Variants in TTC6 observed in about 807,000 individuals in gnomAD.
TTC6 encodes tetratricopeptide repeat protein 6.
A neutral mutation model predicts 210.4 loss-of-function variants in TTC6; 172 were observed. The ratio of observed to expected loss-of-function variants is 0.82; its 90% CI spans 0.72 to 0.93. The LOEUF (loss-of-function observed/expected upper bound fraction) is 0.93. Ranked by LOEUF, TTC6 falls within the 40% of genes least tolerant of loss-of-function variation. TTC6 has a pLI of 0.00. For missense variants in TTC6, 2,414 were observed against 2,318.1 expected (o/e 1.04, Z -0.85); for synonymous variants, 804 against 819.6 (o/e 0.98, Z 0.32).
intron 14 of TTC6, among the ~76,000 whole-genome samples, chr14:37,779,072 A>C (rs1211330806): frequency 6.6e-6 from 1 of 152,170 alleles, no homozygotes; most frequent in Non-Finnish European, 1.5e-5. Flanking sequence ...CATGGGGGTC[A>C]TGAGGTCTCC....
chr14:37,651,416 TA>T (rs1566864427), intron 1 of TTC6, among the ~76,000 whole-genome samples: 6 of 26,146 alleles, frequency 2.3e-4, no homozygotes, highest in Non-Finnish European at 3.4e-4. Context: ...TATATATATA[TA>T]TATATATATT....
chr14:37,631,082 T>C (rs1328690263), intron 1 of TTC6, among the ~76,000 whole-genome samples: 3 of 151,972 alleles, frequency 2.0e-5, no homozygotes, highest in African/African-American at 7.3e-5. Context: ...AGTCTGTGTC[T>C]TTTAATTGGG....
At chr14:37,841,709 T>A in intron 30 of TTC6, 39 bp downstream of exon 32, 1 of 1,466,452 alleles carries the variant, frequency 6.8e-7, no homozygotes. Flanking sequence ...ATTACAGTGG[T>A]TGAAGTGATT....
intron 14 of TTC6, among the ~76,000 whole-genome samples, chr14:37,755,930 A>T (rs2095966269): frequency 1.3e-5 from 2 of 152,210 alleles, no homozygotes; most frequent in Admixed American, 6.5e-5. Flanking sequence ...TTGAATCTAC[A>T]AATTACTTTG....
rs536300037 is a variant in TTC6 at position 37,735,733 on chromosome 14, G to A, written c.1819-188G>A. ...ACACTGAAGCCAAATTGCAGGTTTT[G>A]GCCAAATACTAAGGCTATAGCTGGA... is the stretch of plus-strand genomic sequence containing the variant. On this transcript the variant is annotated intron_variant, in intron 7 of 30. Transcript: ENST00000553443. Among the ~76,000 whole-genome samples, 4 of 152,200 alleles carry A rather than the reference G, an allele frequency of 2.6e-5. No individual in the cohort carries two copies. In the East Asian group the frequency reaches 5.8e-4, roughly 22 times the overall value.
At chr14:37,830,604 G>C (rs540598411) in intron 29 of TTC6, among the ~76,000 whole-genome samples, 10 of 151,724 alleles carry the variant, frequency 6.6e-5, no homozygotes, top group African/African-American at 2.2e-4. Flanking sequence ...GACCTCATAA[G>C]TTAGATTTCC....
At chr14:37,616,452 T>C (rs2095642792) in intron 2 of TTC6, among the ~76,000 whole-genome samples, 1 of 152,220 alleles carries the variant, frequency 6.6e-6, no homozygotes, top group African/African-American at 2.4e-5. Flanking sequence ...CTTCCTGCTT[T>C]TGTTTACTCT....
Position 37,760,622 on chromosome 14 carries a change from C to T in TTC6, c.3266+7387C>T, listed in dbSNP as rs767380702. ...CCACTGAAGCTGCACCCACAGCTGCCCCTTTCCTCAGGTGCTCTGTCCCAG... is the reference window on the plus strand; with the variant it reads ...CCACTGAAGCTGCACCCACAGCTGCTCCTTTCCTCAGGTGCTCTGTCCCAG... On this transcript the variant is annotated intron_variant, in intron 14 of 30. Transcript: ENST00000553443. Among the ~76,000 whole-genome samples, 4 of 152,268 alleles carry T rather than the reference C, an allele frequency of 2.6e-5. No homozygotes were observed. In the South Asian group the frequency reaches 8.3e-4, roughly 32 times the overall value.
At chr14:37,736,601 CTG>C (rs1290553579) in intron 8 of TTC6, among the ~76,000 whole-genome samples, 1 of 152,078 alleles carries the variant, frequency 6.6e-6, no homozygotes, top group Non-Finnish European at 1.5e-5. Context: ...AATGGAGAAA[CTG>C]TGGCCATGAA....
At chr14:37,727,113 A>G (rs1286339322) in intron 7 of TTC6, among the ~76,000 whole-genome samples, 1 of 151,696 alleles carries the variant, frequency 6.6e-6, no homozygotes, top group Non-Finnish European at 1.5e-5. Flanking sequence ...TTCCCTGGCT[A>G]TTAGATATCG....
chr14:37,726,323 G>A (rs1357407724), intron 7 of TTC6, among the ~76,000 whole-genome samples: 4 of 152,146 alleles, frequency 2.6e-5, no homozygotes, highest in Non-Finnish European at 2.9e-5. Flanking sequence ...CATGTATGCT[G>A]TTGCTTGAAA....
exon 27 of TTC6, chr14:37,823,758 T>C: frequency 6.2e-7 from 1 of 1,613,726 alleles, no homozygotes; most frequent in East Asian, 2.2e-5. Context: ...ATTAATGAGT[T>C]TGAAGAAGCT....
chr14:37,622,508 C>A, exon 1 of TTC6: 1 of 1,535,246 alleles, frequency 6.5e-7, no homozygotes, highest in Non-Finnish European at 8.7e-7. Context: ...CGGCCAGACC[C>A]GTGGTCCTGC....
chr14:37,745,056 G>A (rs1030202711), intron 10 of TTC6, among the ~76,000 whole-genome samples: 1 of 151,854 alleles, frequency 6.6e-6, no homozygotes, highest in Non-Finnish European at 1.5e-5. Flanking sequence ...ATATATGTAC[G>A]TACATATACA....
At chr14:37,794,546 T>A (rs953294102) in intron 17 of TTC6, among the ~76,000 whole-genome samples, 2 of 150,820 alleles carry the variant, frequency 1.3e-5, no homozygotes, top group Non-Finnish European at 2.9e-5. Context: ...CGACCAGTAT[T>A]AAGGGAATAA....
At chr14:37,757,793 A>G (rs1331785494) in intron 14 of TTC6, among the ~76,000 whole-genome samples, 1 of 151,800 alleles carries the variant, frequency 6.6e-6, no homozygotes, top group Non-Finnish European at 1.5e-5. Context: ...TCGATTTTAG[A>G]TTGTTCCTGC....
At chr14:37,794,362 C>T (rs2096087311) in intron 17 of TTC6, among the ~76,000 whole-genome samples, 1 of 152,138 alleles carries the variant, frequency 6.6e-6, no homozygotes, top group African/African-American at 2.4e-5. Flanking sequence ...GTACTGCCTG[C>T]TTCCATGCAC....
intron 3 of TTC6, among the ~76,000 whole-genome samples, chr14:37,695,349 A>ATTATTTAT (rs148933438): frequency 2.0e-5 from 3 of 151,758 alleles, no homozygotes; most frequent in Non-Finnish European, 2.9e-5. Flanking sequence ...ATAGTCAGTA[A>ATTATTTAT]TTATTTATTT....
At chr14:37,707,311 G>A (rs568862824) in intron 5 of TTC6, among the ~76,000 whole-genome samples, 1 of 152,060 alleles carries the variant, frequency 6.6e-6, no homozygotes, top group South Asian at 2.1e-4. Flanking sequence ...CTATATTTCA[G>A]TATAAGACTT....
Sources: allele counts gnomAD v4.1 joint callset (sites outside exome capture counted in the v4.1 genomes callset), GRCh38; gene constraint gnomAD v4.1.1; transcripts MANE v1.5; gene names NCBI Gene and HGNC (gene_info 2026-07-23, HGNC 2026-07-21).